Variants in CAPRIN2 observed in about 807,000 individuals in gnomAD.
CAPRIN2 encodes caprin-2.
In CAPRIN2, 66 loss-of-function variants were observed where a neutral mutation model predicts 130.4. The observed-to-expected ratio is 0.51, with a 90% confidence interval of 0.42 to 0.62. The LOEUF is 0.62. Ranked by LOEUF, CAPRIN2 falls within the 20% of genes least tolerant of loss-of-function variation. The pLI is 0.00. For synonymous variants in CAPRIN2, 471 were observed against 444.1 expected, an observed-to-expected ratio of 1.06 and a Z score of -0.76; for missense variants, 1,185 against 1,246.6, an observed-to-expected ratio of 0.95 and a Z score of 0.74.
chr12:30,717,605 AC>A (rs906999705), intron 12 of CAPRIN2, among the ~76,000 whole-genome samples: 1 of 152,024 alleles, frequency 6.6e-6, no homozygotes, highest in African/African-American at 2.4e-5. Flanking sequence ...TAAAAAAAAA[AC>A]AAAAAAACAC....
intron 15 of CAPRIN2, among the ~76,000 whole-genome samples, chr12:30,713,310 C>T (rs573346886): frequency 8.7e-4 from 130 of 150,096 alleles, no homozygotes; most frequent in Non-Finnish European, 1.7e-3. Flanking sequence ...CTGGGTTCTT[C>T]AAGTAAGTAT....
rs1412868833 is a variant in CAPRIN2 at position 30,753,708 on chromosome 12, T to A, written c.56A>T (p.Lys19Met). ...AAGTCTAGACCACTCCCTTAAACTC[T>A]TTTCCACAGAAGTGAGCTCGAAACC... is the stretch of plus-strand genomic sequence containing the variant. Residue 19 changes from lysine to methionine, a missense_variant, in exon 1 of 17, where the codon AAG becomes ATG. Physicochemically the swap from Lys to Met is moderately conservative, Grantham distance 95. Around this residue, in one of 2 missense-constraint regions of CAPRIN2, gnomAD observed 1,104 missense variants for 1,104.3 expected, o/e 1.00. Transcript: ENST00000298892. 46 of 1,613,818 alleles carry A rather than the reference T, an allele frequency of 2.9e-5. No homozygotes were observed. The highest frequency in any genetic ancestry group is 3.9e-5 in the Non-Finnish European group (46 of 1,179,930).
exon 16 of CAPRIN2, chr12:30,711,589 C>A (rs760405299): frequency 1.2e-6 from 2 of 1,613,762 alleles, no homozygotes; most frequent in Non-Finnish European, 1.7e-6. Context: ...TCGTGGACCA[C>A]CAGATGTCCC....
intron 10 of CAPRIN2, 58 bp from the exon 12 acceptor site, chr12:30,723,372 A>C: frequency 2.5e-6 from 3 of 1,202,220 alleles, no homozygotes; most frequent in Non-Finnish European, 3.7e-6. Context: ...TACGCATATC[A>C]ACTAGGAGGA....
intron 14 of CAPRIN2, among the ~76,000 whole-genome samples, 159 bp from the exon 17 acceptor site, chr12:30,714,044 T>C (rs1043763183): frequency 6.6e-6 from 1 of 152,222 alleles, no homozygotes; most frequent in African/African-American, 2.4e-5. Context: ...GCTTCCAAAG[T>C]AAAACATATT....
Position 30,710,602 on chromosome 12 carries a change from G to T in CAPRIN2, c.2666-132C>A. The T allele has an allele frequency of 7.4e-7, 1 of 1,356,524 alleles. No homozygotes were observed. Among genetic ancestry groups the T allele is most frequent in the Non-Finnish European group, 9.9e-7 (1 of 1,011,920 alleles). 84.0% of individuals were successfully genotyped at this position (1,356,524 alleles called of 1,614,324 possible). On this transcript the variant is annotated intron_variant, in intron 16 of 16. Transcript: ENST00000298892. This position sits in a 1 kb window ranked among gnomAD's most constrained non-coding sequence, Gnocchi z 4.8. ...AATTCCAAAACAAAAGCAATATATAGCTAGATTATACTTTTCTAGATTTTT... is the reference window on the plus strand; with the variant it reads ...AATTCCAAAACAAAAGCAATATATATCTAGATTATACTTTTCTAGATTTTT...
At chr12:30,723,118 T>A (rs1278877730) in intron 11 of CAPRIN2, 141 bp downstream of exon 12, 9 of 630,516 alleles carry the variant, frequency 1.4e-5, no homozygotes, top group Admixed American at 5.5e-5. Flanking sequence ...AAGTCGTATT[T>A]AATCTACAAA....
At chr12:30,733,446 T>C (rs1291882606) in intron 5 of CAPRIN2, among the ~76,000 whole-genome samples, 183 bp downstream of exon 6, 2 of 152,172 alleles carry the variant, frequency 1.3e-5, no homozygotes, top group Non-Finnish European at 1.5e-5. Context: ...CTTTAGTGAC[T>C]AGGGTTATAC....
intron 1 of CAPRIN2, 134 bp downstream of exon 2, chr12:30,753,210 C>T: frequency 1.5e-6 from 1 of 672,226 alleles, no homozygotes; most frequent in East Asian, 2.5e-5. Context: ...AACACGTAAC[C>T]TGCTTGTTTA....
Position 30,729,696 on chromosome 12 carries a change from G to A in CAPRIN2, c.1105-371C>T, listed in dbSNP as rs561323558. 4.6e-5 allele frequency among the ~76,000 whole-genome samples: 7 copies of A among 152,338 alleles called. No homozygotes were observed. The East Asian group carries it at 1.3e-3, about 29-fold the overall frequency. ...CTCAAACATTAAAAGGCAGAAGATA[G>A]TTCAACTTCAAAGTTAAATTATGTA... On this transcript the variant is annotated intron_variant, in intron 7 of 16. Coordinates refer to ENST00000298892, the Ensembl canonical transcript of CAPRIN2.
At position 30,722,797 on chromosome 12, in the gene CAPRIN2, G is replaced by A. The variant is rs944981337; in HGVS notation, c.2043+462C>T. On this transcript the variant is annotated intron_variant, in intron 11 of 16. Transcript: ENST00000298892. ...GCCCTATAATCCCAGCTACTCGGGA[G>A]GCTGAGACACAGAACTGCTTGAACC... is the stretch of plus-strand genomic sequence containing the variant. Among the ~76,000 whole-genome samples the A allele has an allele frequency of 4.7e-4, 71 of 152,192 alleles. 1 individual carries two copies. The highest frequency in any genetic ancestry group is 1.6e-3 in the African/African-American group (67 of 41,506).
At position 30,749,045 on chromosome 12, in the gene CAPRIN2, G is replaced by T. The variant is rs149832429; in HGVS notation, c.483+2026C>A. Among the ~76,000 whole-genome samples, 216 of 152,280 alleles carry T rather than the reference G, an allele frequency of 1.4e-3. 2 individuals are homozygous for T. The highest frequency in any genetic ancestry group is 4.4e-3 in the African/African-American group (181 of 41,546). On this transcript the variant is annotated intron_variant, in intron 2 of 16. Coordinates refer to ENST00000298892, the Ensembl canonical transcript of CAPRIN2. The stretch of plus-strand genomic sequence containing the variant: ...GGGAAGTGGAGGTATAGTGAGGTGA[G>T]AACAGATCTCACTGTGGGTACCTTC...
At chr12:30,728,708 T>C (rs1217081404) in exon 8 of CAPRIN2, 1 of 1,614,140 alleles carries the variant, frequency 6.2e-7, no homozygotes, top group South Asian at 1.1e-5. Flanking sequence ...TGAGGCTTGC[T>C]GTAGCTACTC....
chr12:30,733,784 A>C, intron 4 of CAPRIN2, 73 bp from the exon 6 acceptor site: 1 of 945,088 alleles, frequency 1.1e-6, no homozygotes, highest in Non-Finnish European at 1.7e-6. Context: ...CAATTTATGC[A>C]ATATAACCCA....
At chr12:30,735,258 T>C (rs117335126) in intron 3 of CAPRIN2, 52 bp from the exon 5 acceptor site, 20,840 of 1,329,334 alleles carry the variant, frequency 0.016, 206 homozygotes, top group Non-Finnish European at 0.019. Context: ...CATCCCATAT[T>C]AGCAATACGT....
At chr12:30,750,495 C>T (rs946027362) in intron 2 of CAPRIN2, among the ~76,000 whole-genome samples, 2 of 151,186 alleles carry the variant, frequency 1.3e-5, no homozygotes, top group African/African-American at 2.4e-5. Flanking sequence ...AGAAGTTAAC[C>T]GATGGAAAAA....
At chr12:30,749,064 TA>T (rs1390258656) in intron 2 of CAPRIN2, among the ~76,000 whole-genome samples, 1 of 152,116 alleles carries the variant, frequency 6.6e-6, no homozygotes, top group Non-Finnish European at 1.5e-5. Context: ...TCACTGTGGG[TA>T]CCTTCAAATA....
intron 5 of CAPRIN2, among the ~76,000 whole-genome samples, chr12:30,731,966 A>G (rs1002460721): frequency 6.6e-6 from 1 of 152,080 alleles, no homozygotes; most frequent in Non-Finnish European, 1.5e-5. Context: ...CAAGTAATTA[A>G]GGCTTTAGAG....
chr12:30,736,140 C>CAA (rs751202399), intron 3 of CAPRIN2, among the ~76,000 whole-genome samples: 5 of 109,390 alleles, frequency 4.6e-5, no homozygotes, highest in East Asian at 2.6e-4. Context: ...GATCCTGTCC[C>CAA]AAAAAAAAAA....
Sources: allele counts gnomAD v4.1 joint callset (sites outside exome capture counted in the v4.1 genomes callset), GRCh38; gene constraint gnomAD v4.1.1; regional missense constraint gnomAD v4.1.1; non-coding constraint Gnocchi (gnomAD v3.1); transcripts MANE v1.5; gene names NCBI Gene and HGNC (gene_info 2026-07-23, HGNC 2026-07-21).